Variants in SRRM1 observed in about 807,000 individuals in gnomAD.
The protein encoded by SRRM1 is serine and arginine repetitive matrix 1.
Under a neutral mutation model 110.2 loss-of-function variants are expected in SRRM1, and 19 were observed. The observed-to-expected ratio is 0.17, with a 90% CI of 0.12 to 0.25. SRRM1 has a LOEUF of 0.25. Ranked by LOEUF, SRRM1 falls within the 10% of genes least tolerant of loss-of-function variation. The pLI, the probability that SRRM1 is intolerant of heterozygous loss-of-function variation, is 1.00. For missense variants in SRRM1, 918 were observed against 1,145.8 expected (o/e 0.80, Z 2.87); for synonymous variants, 443 against 414.9 (o/e 1.07, Z -0.82).
chr1:24,663,107 A>T (rs1052721588), intron 12 of SRRM1: 7 of 1,302,252 alleles, frequency 5.4e-6, no homozygotes, highest in Middle Eastern at 1.9e-4. Flanking sequence ...TGTCTCCATT[A>T]ATGGTACTTA....
chr1:24,646,852 C>T, intron 3 of SRRM1, 63 bp downstream of exon 3: 1 of 1,417,202 alleles, frequency 7.1e-7, no homozygotes. Context: ...TCTTTGGAAA[C>T]TGAATTTTTT....
chr1:24,649,478 C>T (rs72870774), intron 4 of SRRM1, among the ~76,000 whole-genome samples: 6,069 of 152,274 alleles, frequency 0.04, 438 homozygotes, highest in African/African-American at 0.14. Flanking sequence ...ACCACCACAT[C>T]CAACTCATTT....
rs539620696 is a variant in SRRM1 at position 24,664,251 on chromosome 1, C to T, written c.1628+1447C>T. On this transcript the variant is annotated intron_variant, in intron 12 of 16. Coordinates refer to ENST00000323848, the MANE Select transcript of SRRM1 (RefSeq NM_005839.4). ...AGTCAGGTGATCCACCCGCCTCGGCCTCCCAAAGTGTTGGGATTACAGGCA... is the reference window on the plus strand; with the variant it reads ...AGTCAGGTGATCCACCCGCCTCGGCTTCCCAAAGTGTTGGGATTACAGGCA... Among the ~76,000 whole-genome samples, 4 of 152,282 alleles carry T rather than the reference C, an allele frequency of 2.6e-5. No individual in the cohort carries two copies. In the South Asian group the frequency reaches 8.3e-4, roughly 32 times the overall value.
At chr1:24,663,080 C>G in intron 12 of SRRM1, 2 of 1,130,058 alleles carry the variant, frequency 1.8e-6, no homozygotes, top group Non-Finnish European at 2.5e-6. Flanking sequence ...TCCTGAACAT[C>G]TTTGAATATT....
At position 24,666,929 on chromosome 1, in the gene SRRM1, C is replaced by T. The variant is rs777110150; in HGVS notation, c.1739+4C>T. 2 of 1,597,076 alleles carry T rather than the reference C, an allele frequency of 1.3e-6. No homozygotes were observed. The highest frequency in any genetic ancestry group is 1.7e-6 in the Non-Finnish European group (2 of 1,173,276). On this transcript the variant is annotated splice_donor_region_variant and intron_variant, in intron 13 of 16. Transcript: ENST00000323848. ...CCACACCACCACCACGACGAAGGTA[C>T]TTTGTCAAATATGCTAACTGGAGCA...
chr1:24,663,073 T>C, intron 12 of SRRM1: 1 of 1,083,068 alleles, frequency 9.2e-7, no homozygotes, highest in East Asian at 2.6e-5. Flanking sequence ...CAGTAACTCC[T>C]GAACATCTTT....
intron 4 of SRRM1, 47 bp from the exon 5 acceptor site, chr1:24,649,924 T>A (rs987906953): frequency 1.4e-6 from 2 of 1,479,444 alleles, no homozygotes; most frequent in African/African-American, 2.8e-5. Flanking sequence ...CTTCAGTTTG[T>A]TCTCAAATGT....
At position 24,671,423 on chromosome 1, in the gene SRRM1, A is replaced by G. The variant is rs1474410630; in HGVS notation, c.2438A>G (p.Lys813Arg). The change falls in exon 16 of 17, where the codon AAA (lysine) becomes AGA (arginine). Residue 813 changes from lysine (K) to arginine (R), a missense_variant. Around this residue, in one of 5 missense-constraint regions of SRRM1, gnomAD observed 62 missense variants for 127.6 expected, o/e 0.49. Coordinates refer to ENST00000323848, the MANE Select transcript of SRRM1 (RefSeq NM_005839.4). ...DQEGGGKKKK[K>R]KKDKKHKKDK... ...GAAGGAGGTGGAAAGAAAAAGAAGAAAAAGAAGGACAAGAAACACAAAAAG... is the reference window on the plus strand; with the variant it reads ...GAAGGAGGTGGAAAGAAAAAGAAGAGAAAGAAGGACAAGAAACACAAAAAG... 1 of 1,612,794 alleles carries G rather than the reference A, an allele frequency of 6.2e-7. No homozygotes were observed. The highest frequency in any genetic ancestry group is 1.7e-5 in the Admixed American group (1 of 59,672).
At chr1:24,662,493 G>C (rs1348062631) in intron 11 of SRRM1, among the ~76,000 whole-genome samples, 167 bp from the exon 12 acceptor site, 1 of 152,092 alleles carries the variant, frequency 6.6e-6, no homozygotes, top group Non-Finnish European at 1.5e-5. Flanking sequence ...TAATATGCTT[G>C]GCTTTGAAAT....
chr1:24,648,582 CCA>C (rs1658801440), intron 3 of SRRM1: 2 of 276,860 alleles, frequency 7.2e-6, no homozygotes, highest in African/African-American at 2.2e-5. Context: ...CCACTAACAG[CCA>C]CAGAGTCTAA....
In SRRM1 at chr1:24,660,720, G is replaced by T; in HGVS notation, c.1317G>T (p.Val439=). Residue 439 remains valine, a splice_region_variant and synonymous_variant, in exon 10 of 17, where the codon GTG becomes GTT. Transcript: ENST00000323848. ...SVSPGRTSGK[V]TKHKGTEKRE... is the part of the protein sequence containing the mutation. ...TTTTCCACTCTTATTCTTTTTTAGT[G>T]ACAAAACATAAAGGTACTGAGAAAA... The T allele has an allele frequency of 6.5e-7, 1 of 1,546,770 alleles. No homozygotes were observed. Among genetic ancestry groups the T allele is most frequent in the East Asian group, 2.3e-5 (1 of 43,072 alleles).
At chr1:24,651,758 T>G in intron 6 of SRRM1, 146 bp downstream of exon 6, 1 of 715,076 alleles carries the variant, frequency 1.4e-6, no homozygotes, top group Non-Finnish European at 2.3e-6. Context: ...AGAAATTGTT[T>G]AGGAGAGTAT....
Position 24,643,320 on chromosome 1 carries a change from C to T in SRRM1, c.-7C>T, listed in dbSNP as rs776002656. On this transcript the variant is annotated 5_prime_UTR_variant, in exon 1 of 17. Transcript: ENST00000323848. ...GATAGGGAGCGATCTCCGAGCGAGG[C>T]GGCAAGATGGACGCGGGATTTTTCC... 1.9e-6 allele frequency: 3 copies of T among 1,560,994 alleles called. No individual in the cohort carries two copies. Among genetic ancestry groups the T allele is most frequent in the Admixed American group, 2.0e-5 (1 of 50,862 alleles).
intron 15 of SRRM1, 73 bp downstream of exon 15, chr1:24,670,388 A>G: frequency 2.1e-5 from 30 of 1,399,694 alleles, no homozygotes; most frequent in Non-Finnish European, 2.9e-5. Flanking sequence ...AGAAAATGTC[A>G]TTGGGGCATT....
At chr1:24,648,218 G>C (rs1658586085) in intron 3 of SRRM1, 1 of 152,204 alleles carries the variant, frequency 6.6e-6, no homozygotes, top group Admixed American at 6.5e-5. Flanking sequence ...CTTGTTGCTT[G>C]ACCAACGGAT....
At chr1:24,645,266 T>C (rs1468721142) in intron 1 of SRRM1, among the ~76,000 whole-genome samples, 1 of 152,202 alleles carries the variant, frequency 6.6e-6, no homozygotes, top group Non-Finnish European at 1.5e-5. Flanking sequence ...ACAAAATTTT[T>C]TTTGATCGCT....
At chr1:24,665,305 T>C (rs111271754) in intron 12 of SRRM1, among the ~76,000 whole-genome samples, 5,557 of 152,146 alleles carry the variant, frequency 0.037, 142 homozygotes, top group Non-Finnish European at 0.056. Flanking sequence ...GGCGCATGCC[T>C]GTAGTCCCAG....
At position 24,655,109 on chromosome 1, in the gene SRRM1, C is replaced by T. The variant is rs1663246521; in HGVS notation, c.1295C>T (p.Pro432Leu). Reference sequence around the variant, plus strand: ...AGAAAAAGTCGTGTTTCTGTGTCTCCAGGGAGAACTTCAGGTAAAGGTAAA... The same window carrying T: ...AGAAAAAGTCGTGTTTCTGTGTCTCTAGGGAGAACTTCAGGTAAAGGTAAA... The part of the protein sequence containing the change: ...RTRKSRVSVS[P>L]GRTSGKVTKH... The change falls in exon 9 of 17, where the codon CCA (proline) becomes CTA (leucine). Residue 432 changes from proline to leucine, a missense_variant. By Grantham distance (98) the Pro-to-Leu change is moderately conservative. Around this residue, in one of 5 missense-constraint regions of SRRM1, gnomAD observed 456 missense variants for 453.5 expected, o/e 1.01. Coordinates refer to ENST00000323848, the MANE Select transcript of SRRM1 (RefSeq NM_005839.4). 1 of 1,613,844 alleles carries T rather than the reference C, an allele frequency of 6.2e-7. No individual in the cohort carries two copies. The highest frequency in any genetic ancestry group is 1.3e-5 in the African/African-American group (1 of 74,932).
intron 9 of SRRM1, among the ~76,000 whole-genome samples, chr1:24,657,698 TAG>T (rs1423474758): frequency 6.6e-6 from 1 of 152,218 alleles, no homozygotes; most frequent in Non-Finnish European, 1.5e-5. Flanking sequence ...GAAGGGATCT[TAG>T]GGGAAACATT....
Sources: allele counts gnomAD v4.1 joint callset (sites outside exome capture counted in the v4.1 genomes callset), GRCh38; gene constraint gnomAD v4.1.1; regional missense constraint gnomAD v4.1.1; transcripts MANE v1.5; gene names NCBI Gene and HGNC (gene_info 2026-07-23, HGNC 2026-07-21).